CA10: variants seen among roughly 807,000 people sequenced by gnomAD.
The protein encoded by CA10 is carbonic anhydrase 10 (inactive).
A neutral mutation model predicts 44.2 loss-of-function variants in CA10; 14 were observed. The observed-to-expected ratio is 0.32, with a 90% confidence interval of 0.21 to 0.50. The LOEUF is 0.50. Ranked by LOEUF, CA10 falls within the 20% of genes least tolerant of loss-of-function variation. The pLI, the probability that CA10 is intolerant of heterozygous loss-of-function variation, is 0.99. For missense variants in CA10, 350 were observed against 409.7 expected, an observed-to-expected ratio of 0.85 and a Z score of 1.26; for synonymous variants, 159 against 141.6, an observed-to-expected ratio of 1.12 and a Z score of -0.87.
chr17:51,641,163 TC>T (rs1567785171), intron 6 of CA10, among the ~76,000 whole-genome samples: 2 of 24,260 alleles, frequency 8.2e-5, no homozygotes, highest in Non-Finnish European at 1.4e-4. Flanking sequence ...TCTCTCTCTC[TC>T]TCCTCTCTCT....
intron 3 of CA10, among the ~76,000 whole-genome samples, chr17:51,855,458 A>G (rs1191805357): frequency 6.6e-6 from 1 of 152,206 alleles, no homozygotes; most frequent in Non-Finnish European, 1.5e-5. Flanking sequence ...CTAAATGCAA[A>G]ATATAGTATA....
chr17:51,727,423 A>G (rs1256421249), intron 4 of CA10, among the ~76,000 whole-genome samples: 1 of 152,032 alleles, frequency 6.6e-6, no homozygotes, highest in African/African-American at 2.4e-5. Context: ...TTTAAAATGA[A>G]GTTTCTTTTG....
At chr17:51,741,782 C>T (rs985471222) in intron 4 of CA10, among the ~76,000 whole-genome samples, 8 of 152,134 alleles carry the variant, frequency 5.3e-5, no homozygotes, top group African/African-American at 1.4e-4. Flanking sequence ...TCCTCAAGTC[C>T]AGACAATGTA....
chr17:51,847,324 ATCC>A (rs1227008019), intron 3 of CA10, among the ~76,000 whole-genome samples: 1 of 152,184 alleles, frequency 6.6e-6, no homozygotes, highest in Non-Finnish European at 1.5e-5. Context: ...CTTTTTAAGC[ATCC>A]TCTGCTTTTC....
intron 1 of CA10, among the ~76,000 whole-genome samples, chr17:52,106,826 C>T (rs1227285303): frequency 1.3e-5 from 2 of 152,192 alleles, no homozygotes; most frequent in Admixed American, 6.5e-5. Flanking sequence ...ATTGTATTAA[C>T]TTGATCGCCC....
At chr17:51,881,875 A>C (rs1266368382) in intron 3 of CA10, among the ~76,000 whole-genome samples, 1 of 152,182 alleles carries the variant, frequency 6.6e-6, no homozygotes, top group Non-Finnish European at 1.5e-5. Flanking sequence ...CTAAACTACA[A>C]GTTAGTGAGT....
chr17:52,111,189 C>T (rs1469397972), intron 1 of CA10, among the ~76,000 whole-genome samples: 2 of 152,126 alleles, frequency 1.3e-5, no homozygotes, highest in Admixed American at 1.3e-4. Context: ...CCCTAAATTC[C>T]CAGGCACACT....
intron 3 of CA10, among the ~76,000 whole-genome samples, chr17:51,926,363 AG>A (rs2143983604): frequency 6.6e-6 from 1 of 152,312 alleles, no homozygotes; most frequent in South Asian, 2.1e-4. Context: ...AATGCCAAAA[AG>A]TTTTAAAAAT....
chr17:51,671,291 A>C (rs1159844004), intron 4 of CA10, among the ~76,000 whole-genome samples: 1 of 151,992 alleles, frequency 6.6e-6, no homozygotes, highest in Non-Finnish European at 1.5e-5. Context: ...TCCAATCCTG[A>C]CTTTTCCAGC....
At chr17:52,116,114 C>T (rs911176114) in intron 1 of CA10, among the ~76,000 whole-genome samples, 1 of 152,036 alleles carries the variant, frequency 6.6e-6, no homozygotes, top group Non-Finnish European at 1.5e-5. Flanking sequence ...AAGTTTCTCT[C>T]CCTGTTGGAG....
At chr17:51,874,871 A>C (rs1371569397) in intron 3 of CA10, among the ~76,000 whole-genome samples, 1 of 152,172 alleles carries the variant, frequency 6.6e-6, no homozygotes, top group Non-Finnish European at 1.5e-5. Context: ...CCTCCTGTTG[A>C]CATGTCTCCA....
chr17:51,913,090 G>C (rs1878340310), intron 3 of CA10, among the ~76,000 whole-genome samples: 1 of 152,166 alleles, frequency 6.6e-6, no homozygotes, highest in Admixed American at 6.5e-5. Context: ...TCTTCCTCCT[G>C]AATGGCAGGC....
At chr17:52,059,574 T>C (rs1987323252) in intron 2 of CA10, among the ~76,000 whole-genome samples, 1 of 151,814 alleles carries the variant, frequency 6.6e-6, no homozygotes, top group African/African-American at 2.4e-5. Context: ...CAAATGTAAA[T>C]GACAAGTTAA....
intron 4 of CA10, among the ~76,000 whole-genome samples, chr17:51,676,170 C>T (rs1204640504): frequency 1.3e-5 from 2 of 152,192 alleles, no homozygotes; most frequent in Non-Finnish European, 2.9e-5. Context: ...GGACTCTGTA[C>T]TTTTATGTTC....
At position 51,676,904 on chromosome 17, in the gene CA10, T is replaced by A. The variant is rs1234598733; in HGVS notation, c.466-23168A>T. On this transcript the variant is annotated intron_variant, in intron 4 of 8. Coordinates refer to ENST00000451037, the MANE Select transcript of CA10 (RefSeq NM_020178.5). The stretch of plus-strand genomic sequence containing the variant: ...TTTACCACCCAGGCCAGCCTGCAAA[T>A]GTGATGATGGGTCTACCACAGAGTC... Among the ~76,000 whole-genome samples, 3 of 152,096 alleles carry A rather than the reference T, an allele frequency of 2.0e-5. No homozygotes were observed. The East Asian group carries it at 5.8e-4, about 30-fold the overall frequency.
chr17:51,831,863 AG>A (rs1182186712), intron 3 of CA10, among the ~76,000 whole-genome samples: 6 of 152,172 alleles, frequency 3.9e-5, no homozygotes, highest in South Asian at 4.1e-4. Flanking sequence ...GCTTTATTAC[AG>A]GGGGCAAAGA....
intron 3 of CA10, among the ~76,000 whole-genome samples, chr17:51,891,854 G>C (rs766432466): frequency 3.3e-5 from 5 of 152,152 alleles, no homozygotes; most frequent in Non-Finnish European, 4.4e-5. Context: ...AAGGTTTAAG[G>C]GTAAAGGGAG....
In CA10 at chr17:52,157,714, CGCGTCCCG is replaced by C; in HGVS notation, c.61+4_61+11del. The C allele has an allele frequency of 6.2e-7, 1 of 1,613,090 alleles. No homozygotes were observed. Among genetic ancestry groups the C allele is most frequent in the Middle Eastern group, 1.6e-4 (1 of 6,062 alleles). On this transcript the variant is annotated splice_donor_5th_base_variant and intron_variant, in intron 1 of 8. Coordinates refer to ENST00000451037, the MANE Select transcript of CA10 (RefSeq NM_020178.5). ...AATCCAAATCAGCCAGTGACTTCGG[CGCGTCCCG>C]TACCTGATATGCAGACGATGAAATT...
rs577480250 is a variant in CA10, at chr17:51,673,976, C to T, written c.466-20240G>A. ...CTCCTCCTAGAATGTCCTTCCCCCC[C>T]AGGTTCATCTGGAAAACTCTTACTC... On this transcript the variant is annotated intron_variant, in intron 4 of 8. Coordinates refer to ENST00000451037, the MANE Select transcript of CA10 (RefSeq NM_020178.5). Among the ~76,000 whole-genome samples, 496 of 148,604 alleles carry T rather than the reference C, an allele frequency of 3.3e-3. 2 individuals carry two copies. Among genetic ancestry groups the T allele is most frequent in the African/African-American group, 0.012 (472 of 40,262 alleles).
Sources: allele counts gnomAD v4.1 joint callset (sites outside exome capture counted in the v4.1 genomes callset), GRCh38; gene constraint gnomAD v4.1.1; transcripts MANE v1.5; gene names NCBI Gene and HGNC (gene_info 2026-07-23, HGNC 2026-07-21).